The following MAMDC2 variants were observed in gnomAD, a reference collection of about 807,000 sequenced individuals.
The protein encoded by MAMDC2 is MAM domain containing 2.
Under a neutral mutation model 89.8 loss-of-function variants are expected in MAMDC2, and 57 were observed. The ratio of observed to expected loss-of-function variants is 0.63; its 90% CI spans 0.51 to 0.79. The LOEUF (loss-of-function observed/expected upper bound fraction) is 0.79, where lower values mean the gene tolerates loss of function less well. MAMDC2 is among the 30% of genes least tolerant of loss of function. The pLI, the probability that MAMDC2 is intolerant of heterozygous loss-of-function variation, is 0.00. For missense variants in MAMDC2, 800 were observed against 820.6 expected (o/e 0.97, Z 0.31); for synonymous variants, 313 against 293.4 (o/e 1.07, Z -0.68).
At chr9:70,099,689 G>A (rs1828113637) in intron 2 of MAMDC2, among the ~76,000 whole-genome samples, 1 of 152,014 alleles carries the variant, frequency 6.6e-6, no homozygotes, top group Non-Finnish European at 1.5e-5. Context: ...AGAAAGGTAG[G>A]GCAGGCCAGG....
chr9:70,092,753 C>CAA (rs1211657241), intron 2 of MAMDC2: 1 of 152,078 alleles, frequency 6.6e-6, no homozygotes, highest in African/African-American at 2.4e-5. Context: ...TTTCTGTATT[C>CAA]AATTATGTTT....
chr9:70,125,470 A>G (rs2030489796), intron 5 of MAMDC2, among the ~76,000 whole-genome samples: 1 of 152,204 alleles, frequency 6.6e-6, no homozygotes, highest in Non-Finnish European at 1.5e-5. Context: ...ATTCTGCCAC[A>G]TGGTTTCTGT....
intron 7 of MAMDC2, among the ~76,000 whole-genome samples, chr9:70,136,138 G>A (rs950751580): frequency 6.6e-6 from 1 of 152,098 alleles, no homozygotes; most frequent in African/African-American, 2.4e-5. Flanking sequence ...ACCACAAAGT[G>A]GGACCCTTTC....
At chr9:70,119,030 A>G (rs527606241) in intron 5 of MAMDC2, among the ~76,000 whole-genome samples, 38 of 152,272 alleles carry the variant, frequency 2.5e-4, no homozygotes, top group Non-Finnish European at 4.9e-4. Context: ...TCTTTGGAAT[A>G]CTGGAGGGGA....
chr9:70,101,653 G>C (rs1345750108), intron 2 of MAMDC2, among the ~76,000 whole-genome samples: 3 of 152,214 alleles, frequency 2.0e-5, no homozygotes, highest in African/African-American at 7.2e-5. Flanking sequence ...TGTAGCCTAG[G>C]AGTAATAGGC....
At chr9:70,174,581 C>G (rs972342862) in intron 11 of MAMDC2, among the ~76,000 whole-genome samples, 1 of 152,152 alleles carries the variant, frequency 6.6e-6, no homozygotes, top group African/African-American at 2.4e-5. Context: ...TAAGTGAAAG[C>G]ATGCTCAGTG....
chr9:70,200,831 A>G (rs1170280732), intron 11 of MAMDC2, among the ~76,000 whole-genome samples: 1 of 149,858 alleles, frequency 6.7e-6, no homozygotes, highest in East Asian at 2.0e-4. Flanking sequence ...ATGGGAGTTC[A>G]CTCATGATTT....
intron 9 of MAMDC2, among the ~76,000 whole-genome samples, chr9:70,154,866 C>T (rs569209969): frequency 6.6e-6 from 1 of 152,162 alleles, no homozygotes; most frequent in South Asian, 2.1e-4. Flanking sequence ...GTGATTCTTC[C>T]CTTTGAAACA....
intron 12 of MAMDC2, among the ~76,000 whole-genome samples, chr9:70,224,987 A>G (rs1466870163): frequency 1.3e-5 from 2 of 152,234 alleles, no homozygotes; most frequent in East Asian, 1.9e-4. Flanking sequence ...AACTACTCCA[A>G]TGAAGACTCA....
intron 11 of MAMDC2, among the ~76,000 whole-genome samples, chr9:70,204,736 A>AG: frequency 6.6e-6 from 1 of 152,032 alleles, no homozygotes; most frequent in Admixed American, 6.5e-5. Context: ...CCTCCGAGCC[A>AG]GGTGTGGGAT....
At chr9:70,183,875 CATT>C (rs2032695568) in intron 11 of MAMDC2, among the ~76,000 whole-genome samples, 1 of 152,044 alleles carries the variant, frequency 6.6e-6, no homozygotes. Flanking sequence ...TTGATTCTGT[CATT>C]ATGTGAATTT....
At chr9:70,155,693 T>C (rs1045689442) in intron 9 of MAMDC2, among the ~76,000 whole-genome samples, 3 of 152,188 alleles carry the variant, frequency 2.0e-5, no homozygotes, top group African/African-American at 7.2e-5. Flanking sequence ...TCTTCAATTA[T>C]TGTCTTCACT....
At chr9:70,130,800 A>C (rs1161593510) in intron 6 of MAMDC2, among the ~76,000 whole-genome samples, 1 of 151,012 alleles carries the variant, frequency 6.6e-6, no homozygotes, top group Non-Finnish European at 1.5e-5. Context: ...AAAACAAAAC[A>C]AAAAAACAAA....
intron 5 of MAMDC2, among the ~76,000 whole-genome samples, chr9:70,113,383 C>G (rs900696533): frequency 6.6e-6 from 1 of 152,208 alleles, no homozygotes. Flanking sequence ...TTCTCCTTCA[C>G]CTGTGGCCTA....
At chr9:70,167,880 T>C (rs1477667855) in intron 9 of MAMDC2, among the ~76,000 whole-genome samples, 1 of 152,194 alleles carries the variant, frequency 6.6e-6, no homozygotes, top group Non-Finnish European at 1.5e-5. Flanking sequence ...ATCTTTGTCT[T>C]TGGAAATGGA....
In MAMDC2 at chr9:70,108,385, A is replaced by G. The variant is rs760948247; in HGVS notation, c.323A>G (p.Asp108Gly). The G allele has an allele frequency of 3.1e-6, 5 of 1,614,152 alleles. No individual in the cohort carries two copies. Among genetic ancestry groups the G allele is most frequent in the Admixed American group, 1.7e-5 (1 of 60,028 alleles). Residue 108 changes from aspartate (D) to glycine (G), a missense_variant, in exon 3 of 14, where the codon GAT becomes GGT. By Grantham distance (94) the Asp-to-Gly change is moderately conservative. Coordinates refer to ENST00000377182, the MANE Select transcript of MAMDC2 (RefSeq NM_153267.5). ...SQLNLYMRFE[D>G]ESFDRLLWSA... Reference sequence around the variant, plus strand: ...CTGAACCTCTACATGAGATTTGAAGATGAAAGCTTTGATCGCTTGCTTTGG... The same window carrying G: ...CTGAACCTCTACATGAGATTTGAAGGTGAAAGCTTTGATCGCTTGCTTTGG...
chr9:70,153,971 GCA>G (rs2031664287), intron 9 of MAMDC2: 1 of 152,148 alleles, frequency 6.6e-6, no homozygotes. Flanking sequence ...GATTCACAAA[GCA>G]CAGTGACATA....
chr9:70,164,612 T>C (rs2118507359), intron 9 of MAMDC2, among the ~76,000 whole-genome samples: 1 of 152,262 alleles, frequency 6.6e-6, no homozygotes, highest in South Asian at 2.1e-4. Context: ...GGGATATCAC[T>C]TTACTTGGCC....
intron 9 of MAMDC2, among the ~76,000 whole-genome samples, chr9:70,155,836 G>A (rs1430531786): frequency 6.6e-6 from 1 of 152,112 alleles, no homozygotes; most frequent in Non-Finnish European, 1.5e-5. Flanking sequence ...ACATACCCAG[G>A]AAAGTCCTAT....
Sources: allele counts gnomAD v4.1 joint callset (sites outside exome capture counted in the v4.1 genomes callset), GRCh38; gene constraint gnomAD v4.1.1; transcripts MANE v1.5; gene names NCBI Gene and HGNC (gene_info 2026-07-23, HGNC 2026-07-21).